Variants in PLCH1 observed in about 807,000 individuals in gnomAD.
PLCH1 encodes phospholipase C eta 1.
PLCH1 carries 60 observed loss-of-function variants against 126.7 expected under a neutral mutation model. That is an observed-to-expected ratio of 0.47 (90% CI 0.38 to 0.59). The LOEUF is 0.59. Ranked by LOEUF, PLCH1 falls within the 20% of genes least tolerant of loss-of-function variation. PLCH1 has a pLI of 0.00. For synonymous variants in PLCH1, 719 were observed against 734.9 expected, an observed-to-expected ratio of 0.98 and a Z score of 0.35; for missense variants, 1,723 against 2,040.0, an observed-to-expected ratio of 0.84 and a Z score of 2.99.
intron 10 of PLCH1, among the ~76,000 whole-genome samples, chr3:155,542,909 A>G (rs1254540312): frequency 6.6e-6 from 1 of 152,130 alleles, no homozygotes; most frequent in Admixed American, 6.5e-5. Flanking sequence ...ATCAAAGACC[A>G]AAAGTAGATA....
chr3:155,703,359 A>C, intron 2 of PLCH1, among the ~76,000 whole-genome samples: 1 of 152,184 alleles, frequency 6.6e-6, no homozygotes, highest in Non-Finnish European at 1.5e-5. Flanking sequence ...CTACAATTCC[A>C]CAGGCCTCTG....
rs190396349 is a variant in PLCH1, at chr3:155,492,110, G to A, written c.2307+619C>T. 2.0e-3 allele frequency among the ~76,000 whole-genome samples: 306 copies of A among 152,258 alleles called. 2 individuals carry two copies. The highest frequency in any genetic ancestry group is 6.8e-3 in the African/African-American group (284 of 41,552). On this transcript the variant is annotated intron_variant, in intron 18 of 22. Transcript: ENST00000460012. ...ATCCAAAAATGATGGTTTAATAGGC[G>A]GGAGTGACAAAGAACCTGAAGTAAT... is the stretch of plus-strand genomic sequence containing the variant.
At chr3:155,657,263 G>C (rs1175290802) in intron 2 of PLCH1, among the ~76,000 whole-genome samples, 1 of 152,172 alleles carries the variant, frequency 6.6e-6, no homozygotes, top group African/African-American at 2.4e-5. Context: ...ACCAAATGAA[G>C]TAGGCCTATG....
Position 155,717,637 on chromosome 3 carries a change from G to A in PLCH1, c.-40-13373C>T, listed in dbSNP as rs527867698. ...GCTCTTTGAGCAGAGGCTAATGCCG[G>A]AGCAGCCGGGATGCAGGGGGCAGTG... On this transcript the variant is annotated intron_variant, in intron 1 of 22. Coordinates refer to ENST00000460012, the MANE Select transcript of PLCH1 (RefSeq NM_014996.4). 8.5e-5 allele frequency among the ~76,000 whole-genome samples: 13 copies of A among 152,326 alleles called. No homozygotes were observed. In the South Asian group the frequency reaches 2.3e-3, roughly 27 times the overall value.
At chr3:155,455,929 G>A (rs1712430612) in intron 21 of PLCH1, among the ~76,000 whole-genome samples, 1 of 152,178 alleles carries the variant, frequency 6.6e-6, no homozygotes, top group African/African-American at 2.4e-5. Flanking sequence ...AGGGTGACAA[G>A]GACTACTAGG....
At chr3:155,739,988 A>G (rs569105868) in intron 1 of PLCH1, among the ~76,000 whole-genome samples, 1 of 152,356 alleles carries the variant, frequency 6.6e-6, no homozygotes, top group African/African-American at 2.4e-5. Flanking sequence ...GTAAATCCCA[A>G]TCATGCCAAA....
chr3:155,564,462 G>T (rs1728045022), intron 8 of PLCH1, among the ~76,000 whole-genome samples: 1 of 152,108 alleles, frequency 6.6e-6, no homozygotes, highest in Non-Finnish European at 1.5e-5. Context: ...CTACTTGGGA[G>T]GCTGAGGAAG....
intron 6 of PLCH1, among the ~76,000 whole-genome samples, chr3:155,570,353 G>C (rs2108538150): frequency 6.6e-6 from 1 of 152,206 alleles, no homozygotes; most frequent in East Asian, 1.9e-4. Flanking sequence ...AGAGCTGATA[G>C]AGAGAAATAG....
Position 155,565,060 on chromosome 3 carries a change from T to C in PLCH1, c.924A>G (p.Glu308=), listed in dbSNP as rs1728141789. 13 of 1,613,672 alleles carry C rather than the reference T, an allele frequency of 8.1e-6. No homozygotes were observed. In the East Asian group the frequency reaches 2.7e-4, roughly 33 times the overall value. The change falls in exon 8 of 23, where the codon GAA becomes GAG. Residue 308 remains glutamate, a synonymous_variant. Coordinates refer to ENST00000460012, the MANE Select transcript of PLCH1 (RefSeq NM_014996.4). ...GGGGCTGATCCATGTCTTGGTACAC[T>C]TCATGGTGCAATGGGTTAAATATGT... The part of the protein sequence containing the change: ...ACDIFNPLHH[E]VYQDMDQPLC...
chr3:155,741,680 T>A (rs1749628678), intron 1 of PLCH1, among the ~76,000 whole-genome samples: 1 of 137,504 alleles, frequency 7.3e-6, no homozygotes, highest in Admixed American at 7.8e-5. Flanking sequence ...TAATTTTATA[T>A]CCTCTTTTTT....
intron 11 of PLCH1, among the ~76,000 whole-genome samples, chr3:155,519,273 T>C (rs964812353): frequency 3.9e-5 from 6 of 152,074 alleles, no homozygotes; most frequent in African/African-American, 1.4e-4. Flanking sequence ...TCTGGGCCAA[T>C]GGGTGAGAAA....
chr3:155,553,203 C>T (rs1726364178), intron 9 of PLCH1, among the ~76,000 whole-genome samples: 1 of 152,228 alleles, frequency 6.6e-6, no homozygotes, highest in Non-Finnish European at 1.5e-5. Flanking sequence ...CAACCTCCAC[C>T]TTCTGGGTTC....
chr3:155,679,677 C>T (rs984561659), intron 2 of PLCH1, among the ~76,000 whole-genome samples: 10 of 152,140 alleles, frequency 6.6e-5, no homozygotes, highest in Non-Finnish European at 1.5e-4. Context: ...AATCAGAAAA[C>T]CTACTGACGC....
chr3:155,533,180 A>T (rs1408469938), intron 10 of PLCH1, among the ~76,000 whole-genome samples: 1 of 152,204 alleles, frequency 6.6e-6, no homozygotes, highest in Non-Finnish European at 1.5e-5. Flanking sequence ...GATGATCTGA[A>T]ATTGGAACTT....
intron 13 of PLCH1, among the ~76,000 whole-genome samples, chr3:155,501,333 G>A (rs531034675): frequency 6.6e-6 from 1 of 152,030 alleles, no homozygotes; most frequent in Non-Finnish European, 1.5e-5. Context: ...CTAGCAGCAG[G>A]AAAAAAAATT....
intron 2 of PLCH1, among the ~76,000 whole-genome samples, chr3:155,698,210 A>G (rs1301131987): frequency 2.6e-5 from 4 of 152,252 alleles, no homozygotes; most frequent in African/African-American, 7.2e-5. Context: ...AGAATGCTCA[A>G]TAAACCAGTT....
At chr3:155,498,406 G>T (rs1013166739) in intron 14 of PLCH1, among the ~76,000 whole-genome samples, 1 of 152,158 alleles carries the variant, frequency 6.6e-6, no homozygotes. Context: ...TCATGATGAC[G>T]TGGGGACTAT....
rs79463337 is a variant in PLCH1, at chr3:155,640,858, A to G, written c.80-44480T>C. 3.1e-3 allele frequency among the ~76,000 whole-genome samples: 474 copies of G among 152,308 alleles called. 2 individuals are homozygous for G. Among genetic ancestry groups the G allele is most frequent in the African/African-American group, 0.011 (442 of 41,572 alleles). On this transcript the variant is annotated intron_variant, in intron 2 of 22. Transcript: ENST00000460012. ...GAGAATATCAGTCCACTACTCCGCT[A>G]GCATGGTATCCAACATTTCTTCCTT...
At chr3:155,544,086 A>T (rs1724820987) in intron 10 of PLCH1, among the ~76,000 whole-genome samples, 5 of 151,410 alleles carry the variant, frequency 3.3e-5, no homozygotes, top group Admixed American at 3.3e-4. Flanking sequence ...AAAGACACAG[A>T]CTGGCAAATT....
Sources: gnomAD v4.1 joint callset for allele counts (sites outside exome capture counted in the v4.1 genomes callset) on GRCh38, gnomAD v4.1.1 for gene constraint, MANE v1.5 for transcripts, NCBI Gene and HGNC (gene_info 2026-07-23, HGNC 2026-07-21) for gene names.